ZBTB48: variants seen among roughly 807,000 people sequenced by gnomAD.
The protein encoded by ZBTB48 is zinc finger and BTB domain containing 48.
ZBTB48 carries 35 observed loss-of-function variants against 64.5 expected under a neutral mutation model. The observed-to-expected ratio is 0.54, with a 90% confidence interval of 0.41 to 0.72. The LOEUF (loss-of-function observed/expected upper bound fraction) is 0.72, where lower values mean the gene tolerates loss of function less well. ZBTB48 is among the 30% of genes least tolerant of loss of function. The pLI is 0.00. For synonymous variants in ZBTB48, 442 were observed against 356.7 expected (o/e 1.24, Z -2.70); for missense variants, 828 against 895.3 (o/e 0.92, Z 0.96).
chr1:6,581,166 C>G lies in ZBTB48; in HGVS notation c.557C>G (p.Pro186Arg). Reference sequence around the variant, plus strand: ...CATTCCCCAGCTCAGAGTGAGGGCCCCTCCTCCCTCTGTGGGAAACTGAAG... The same window carrying G: ...CATTCCCCAGCTCAGAGTGAGGGCCGCTCCTCCCTCTGTGGGAAACTGAAG... ...QLHSPAQSEG[P>R]SSLCGKLKQA... Residue 186 changes from proline (P) to arginine (R), a missense_variant, in exon 2 of 11, where the codon CCC (proline) becomes CGC (arginine). By Grantham distance (103) the Pro-to-Arg change is moderately radical (BLOSUM62 -2). Transcript: ENST00000377674. 7 of 1,613,466 alleles carry G rather than the reference C, an allele frequency of 4.3e-6. No individual in the cohort carries two copies. Among genetic ancestry groups the G allele is most frequent in the Non-Finnish European group, 5.9e-6 (7 of 1,180,016 alleles).
rs1317457832 is a variant in ZBTB48, at chr1:6,582,832, A to G, written c.932+533A>G. On this transcript the variant is annotated intron_variant, in intron 3 of 10. Coordinates refer to ENST00000377674, the MANE Select transcript of ZBTB48 (RefSeq NM_005341.4). Reference sequence around the variant, plus strand: ...ACCAGGAACTCCAGGAGCTATTACAATTTTTATTTTTACATTTAATGGAGA... The same window carrying G: ...ACCAGGAACTCCAGGAGCTATTACAGTTTTTATTTTTACATTTAATGGAGA... Among the ~76,000 whole-genome samples the G allele has an allele frequency of 5.9e-5, 9 of 152,270 alleles. 1 individual carries two copies. The South Asian group carries it at 1.9e-3, about 32-fold the overall frequency.
chr1:6,580,345 C>T lies in ZBTB48; in HGVS notation c.-69-196C>T, dbSNP rs540600212. Among the ~76,000 whole-genome samples, 1 of 152,210 alleles carries T rather than the reference C, an allele frequency of 6.6e-6. No individual in the cohort carries two copies. The highest frequency in any genetic ancestry group is 2.4e-5 in the African/African-American group (1 of 41,528). On this transcript the variant is annotated intron_variant, in intron 1 of 10. Transcript: ENST00000377674. The surrounding 1 kb of genome is among the most constrained non-coding windows in gnomAD (Gnocchi z 5.2). ...TTTCCCCAAACTTGGATTTTTCTCA[C>T]CAGGCCCTTCTTCACGACCCTGGCC...
rs927865015 is a variant in ZBTB48, at chr1:6,581,443, C to G, written c.690+144C>G. Reference sequence around the variant, plus strand: ...TTGGGAGGCCAAGGGGGGTGGATCACTTTAGCTTGGGAGTTCGAGACCAGC... The same window carrying G: ...TTGGGAGGCCAAGGGGGGTGGATCAGTTTAGCTTGGGAGTTCGAGACCAGC... On this transcript the variant is annotated intron_variant, in intron 2 of 10. Coordinates refer to ENST00000377674, the MANE Select transcript of ZBTB48 (RefSeq NM_005341.4). 2.4e-5 allele frequency: 22 copies of G among 919,176 alleles called. No individual in the cohort carries two copies. In the Admixed American group the frequency reaches 6.4e-4, roughly 27 times the overall value. 56.9% of individuals were successfully genotyped at this position (919,176 alleles called of 1,614,324 possible). A position where few individuals can be genotyped will look rare whatever the true frequency, so the allele number is the denominator to read the frequency against.
At position 6,580,023 on chromosome 1, in the gene ZBTB48, C is replaced by G; in HGVS notation, c.-183C>G. Reference sequence around the variant, plus strand: ...TTTGACGTCACGTCCGGCGCGGAGACGGTGGAGTCTCCGCACTGTCGGCGG... The same window carrying G: ...TTTGACGTCACGTCCGGCGCGGAGAGGGTGGAGTCTCCGCACTGTCGGCGG... On this transcript the variant is annotated 5_prime_UTR_variant, in exon 1 of 11. Transcript: ENST00000377674. The surrounding 1 kb of genome is among the most constrained non-coding windows in gnomAD (Gnocchi z 5.2). 4.9e-6 allele frequency: 1 copy of G among 202,546 alleles called. No homozygotes were observed. The highest frequency in any genetic ancestry group is 1.0e-5 in the Non-Finnish European group (1 of 97,788). 12.5% of individuals were successfully genotyped at this position (202,546 alleles called of 1,614,324 possible).
Position 6,581,228 on chromosome 1 carries a change from C to G in ZBTB48, c.619C>G (p.Pro207Ala). 1 of 1,613,028 alleles carries G rather than the reference C, an allele frequency of 6.2e-7. No individual in the cohort carries two copies. The highest frequency in any genetic ancestry group is 2.2e-5 in the East Asian group (1 of 44,876). Residue 207 changes from proline to alanine, a missense_variant, in exon 2 of 11, where the codon CCC (proline) becomes GCC (alanine). By Grantham distance (27) the Pro-to-Ala change is conservative (BLOSUM62 -1). Coordinates refer to ENST00000377674, the MANE Select transcript of ZBTB48 (RefSeq NM_005341.4). The stretch of plus-strand genomic sequence containing the variant: ...GCCTTGTCCCCTTGAGGACAAGAAA[C>G]CCGAGGACTGCAAAGTGCCCCCAAG... ...LKPCPLEDKK[P>A]EDCKVPPRPL...
At position 6,580,459 on chromosome 1, in the gene ZBTB48, T is replaced by A; in HGVS notation, c.-69-82T>A. On this transcript the variant is annotated intron_variant, in intron 1 of 10. Coordinates refer to ENST00000377674, the MANE Select transcript of ZBTB48 (RefSeq NM_005341.4). The surrounding 1 kb of genome is among the most constrained non-coding windows in gnomAD (Gnocchi z 5.2). ...TGTTCCAGCCCTCCGCGTGCACCCC[T>A]CACCCTGACCCAAGCCCTCGTGCTG... 1.3e-6 allele frequency: 1 copy of A among 792,496 alleles called. No homozygotes were observed. Among genetic ancestry groups the A allele is most frequent in the Non-Finnish European group, 1.9e-6 (1 of 515,972 alleles). The allele number at this position is 792,496 out of a possible 1,614,324, so 49.1% of individuals were successfully genotyped here.
chr1:6,585,748 C>G, intron 3 of ZBTB48, 171 bp from the exon 4 acceptor site: 1 of 636,102 alleles, frequency 1.6e-6, no homozygotes, highest in Admixed American at 2.5e-5. Context: ...TGCACTCTCC[C>G]TTGCAGAGTC....
intron 2 of ZBTB48, 132 bp downstream of exon 2, chr1:6,581,431 G>A (rs1251006562): frequency 5.9e-6 from 6 of 1,021,464 alleles, no homozygotes; most frequent in Non-Finnish European, 8.2e-6. Context: ...GGAGGCCAAG[G>A]GGGGTGGATC....
rs773395799 is a variant in ZBTB48 at position 6,589,177 on chromosome 1, A to G, written c.2032A>G (p.Ile678Val). 2 of 1,540,414 alleles carry G rather than the reference A, an allele frequency of 1.3e-6. No homozygotes were observed. The highest frequency in any genetic ancestry group is 2.3e-5 in the East Asian group (1 of 44,090). The change falls in exon 11 of 11, where the codon ATC becomes GTC. Residue 678 changes from isoleucine to valine, a missense_variant. By Grantham distance (29) the Ile-to-Val change is conservative (BLOSUM62 3). Coordinates refer to ENST00000377674, the MANE Select transcript of ZBTB48 (RefSeq NM_005341.4). ...AGGTGTCCTGGAGCCCTCCCTCATC[A>G]TCACAGCTGCTGTCCCCGAGGACTG... ...GPGVLEPSLI[I>V]TAAVPEDCDT
intron 4 of ZBTB48, 77 bp from the exon 5 acceptor site, chr1:6,586,618 G>A (rs1232562496): frequency 1.6e-5 from 22 of 1,337,670 alleles, no homozygotes; most frequent in Non-Finnish European, 2.0e-5. Flanking sequence ...AGCAGCAAGC[G>A]GAAGCCCGGG....
In ZBTB48 at chr1:6,580,430, A is replaced by T; in HGVS notation, c.-69-111A>T. 1.6e-6 allele frequency: 1 copy of T among 619,432 alleles called. No homozygotes were observed. The highest frequency in any genetic ancestry group is 2.7e-6 in the Non-Finnish European group (1 of 366,920). 38.4% of individuals were successfully genotyped at this position (619,432 alleles called of 1,614,324 possible). ...GGCCCCCGGCCCCCGGGAGGCTGTCAGTGTGTTCCAGCCCTCCGCGTGCAC... is the reference window on the plus strand; with the variant it reads ...GGCCCCCGGCCCCCGGGAGGCTGTCTGTGTGTTCCAGCCCTCCGCGTGCAC... On this transcript the variant is annotated intron_variant, in intron 1 of 10. Transcript: ENST00000377674. This position sits in a 1 kb window ranked among gnomAD's most constrained non-coding sequence, Gnocchi z 5.2.
Position 6,580,997 on chromosome 1 carries a change from C to G in ZBTB48, c.388C>G (p.Leu130Val). The change falls in exon 2 of 11, where the codon CTG (leucine) becomes GTG (valine). Residue 130 changes from leucine to valine, a missense_variant. Coordinates refer to ENST00000377674, the MANE Select transcript of ZBTB48 (RefSeq NM_005341.4). The surrounding 1 kb of genome is among the most constrained non-coding windows in gnomAD (Gnocchi z 5.2). ...VGQAAGGQSGLGPPASQNVNS... is the reference protein window; with the variant it reads ...VGQAAGGQSGVGPPASQNVNS... Reference sequence around the variant, plus strand: ...ACAGGCAGCAGGTGGCCAGAGTGGGCTGGGGCCCCCTGCCTCCCAGAATGT... The same window carrying G: ...ACAGGCAGCAGGTGGCCAGAGTGGGGTGGGGCCCCCTGCCTCCCAGAATGT... 6.2e-7 allele frequency: 1 copy of G among 1,613,470 alleles called. No individual in the cohort carries two copies. The highest frequency in any genetic ancestry group is 8.5e-7 in the Non-Finnish European group (1 of 1,180,022).
intron 2 of ZBTB48, 82 bp downstream of exon 2, chr1:6,581,381 G>A: frequency 7.1e-7 from 1 of 1,404,796 alleles, no homozygotes; most frequent in South Asian, 1.5e-5. Context: ...CCCTGGGCTG[G>A]GTGTGATGGC....
intron 7 of ZBTB48, 124 bp from the exon 8 acceptor site, chr1:6,587,936 A>T: frequency 7.4e-7 from 1 of 1,342,628 alleles, no homozygotes; most frequent in East Asian, 2.5e-5. Context: ...CTCGGGGTGG[A>T]GGTGGTGCCC....
chr1:6,587,567 TGA>T lies in ZBTB48; in HGVS notation c.1316_1317del (p.Glu439GlyfsTer23), dbSNP rs771846104. The stretch of plus-strand genomic sequence containing the variant: ...ACCGTGGTGAGAAGCTGTTTGTGTG[TGA>T]GGAGTGTGGGCACCGGGCCTCGAGC... ...KHRGEKLFVC[E>X]ECGHRASSRN... is the part of the protein sequence containing the mutation. On this transcript the variant is annotated frameshift_variant, in exon 7 of 11. Coordinates refer to ENST00000377674, the MANE Select transcript of ZBTB48 (RefSeq NM_005341.4). LOFTEE classifies it high-confidence loss of function. 1 of 1,613,880 alleles carries T rather than the reference TGA, an allele frequency of 6.2e-7. No individual in the cohort carries two copies. Among genetic ancestry groups the T allele is most frequent in the Non-Finnish European group, 8.5e-7 (1 of 1,180,024 alleles).
At chr1:6,583,868 C>T (rs1640564443) in intron 3 of ZBTB48, among the ~76,000 whole-genome samples, 1 of 150,764 alleles carries the variant, frequency 6.6e-6, no homozygotes, top group Admixed American at 6.6e-5. Flanking sequence ...CAACCTCTGC[C>T]TCCCAGGTTC....
At chr1:6,581,918 G>A (rs1640483261) in intron 2 of ZBTB48, 140 bp from the exon 3 acceptor site, 4 of 1,292,418 alleles carry the variant, frequency 3.1e-6, no homozygotes, top group Non-Finnish European at 4.3e-6. Context: ...CAGATGCTCT[G>A]CCTTGGGCCC....
chr1:6,582,664 CTTGAAGCCTGG>C (rs1640513930), intron 3 of ZBTB48, among the ~76,000 whole-genome samples: 1 of 152,098 alleles, frequency 6.6e-6, no homozygotes, highest in African/African-American at 2.4e-5. Context: ...GCAGTGTGGG[CTTGAAGCCTGG>C]CAGTGTGGGC....
At chr1:6,586,328 A>C in intron 4 of ZBTB48, 1 of 501,082 alleles carries the variant, frequency 2.0e-6, no homozygotes, top group Non-Finnish European at 3.6e-6. Flanking sequence ...AGGGGATGGC[A>C]GCTGGGAAAG....
Sources: gnomAD v4.1 joint callset for allele counts (sites outside exome capture counted in the v4.1 genomes callset) on GRCh38, gnomAD v4.1.1 for gene constraint, Gnocchi (gnomAD v3.1) non-coding constraint, MANE v1.5 for transcripts, NCBI Gene and HGNC (gene_info 2026-07-23, HGNC 2026-07-21) for gene names.